Variants in RPH3A observed in about 807,000 individuals in gnomAD.
The protein encoded by RPH3A is rabphilin-3A.
RPH3A carries 48 observed loss-of-function variants against 102.2 expected under a neutral mutation model. That is an observed-to-expected ratio of 0.47 (90% CI 0.37 to 0.60). The LOEUF is 0.60. RPH3A is among the 20% of genes least tolerant of loss of function. The pLI is 0.00. For missense variants in RPH3A, 781 were observed against 910.1 expected (o/e 0.86, Z 1.83); for synonymous variants, 310 against 324.3 (o/e 0.96, Z 0.47).
At chr12:112,742,251 G>T (rs759660486) in intron 1 of RPH3A, among the ~76,000 whole-genome samples, 3 of 152,120 alleles carry the variant, frequency 2.0e-5, no homozygotes, top group Non-Finnish European at 4.4e-5. Context: ...GCCCCCTGTG[G>T]AATATTCAGT....
At chr12:112,836,247 C>T (rs1393945948) in intron 3 of RPH3A, among the ~76,000 whole-genome samples, 1 of 152,188 alleles carries the variant, frequency 6.6e-6, no homozygotes, top group Non-Finnish European at 1.5e-5. Flanking sequence ...ACAATCAGCT[C>T]AGTTAATTAA....
At chr12:112,748,561 C>G (rs140747317) in intron 1 of RPH3A, among the ~76,000 whole-genome samples, 1 of 152,280 alleles carries the variant, frequency 6.6e-6, no homozygotes, top group Non-Finnish European at 1.5e-5. Flanking sequence ...TCTTGAACTC[C>G]TGGCCTCAAG....
Position 112,748,730 on chromosome 12 carries a change from G to C in RPH3A, c.-139-43413G>C, listed in dbSNP as rs919654294. ...CCTAGATGGTCCTAATGTGTAGAAAGATTTAGGGACCACTGCCATTGACCC... is the reference window on the plus strand; with the variant it reads ...CCTAGATGGTCCTAATGTGTAGAAACATTTAGGGACCACTGCCATTGACCC... On this transcript the variant is annotated intron_variant, in intron 1 of 21. Transcript: ENST00000543106. 7.9e-5 allele frequency among the ~76,000 whole-genome samples: 12 copies of C among 152,236 alleles called. No homozygotes were observed. The East Asian group carries it at 2.1e-3, about 27-fold the overall frequency.
intron 1 of RPH3A, among the ~76,000 whole-genome samples, chr12:112,649,671 T>G (rs1341895751): frequency 2.6e-5 from 4 of 152,270 alleles, no homozygotes; most frequent in Non-Finnish European, 5.9e-5. Flanking sequence ...CACCTCATTT[T>G]GTTTTATTCA....
At chr12:112,584,728 C>T (rs1308131630) in intron 1 of RPH3A, among the ~76,000 whole-genome samples, 1 of 152,126 alleles carries the variant, frequency 6.6e-6, no homozygotes, top group Non-Finnish European at 1.5e-5. Flanking sequence ...AAGTGGCTTT[C>T]CCCGGAAGGA....
intron 16 of RPH3A, among the ~76,000 whole-genome samples, chr12:112,885,402 G>T (rs1278760927): frequency 6.6e-6 from 1 of 152,144 alleles, no homozygotes; most frequent in African/African-American, 2.4e-5. Flanking sequence ...GGTGTGCACT[G>T]GTGTTGCGTT....
At chr12:112,839,015 C>T (rs1049082380) in intron 4 of RPH3A, among the ~76,000 whole-genome samples, 19 of 152,120 alleles carry the variant, frequency 1.2e-4, no homozygotes, top group African/African-American at 4.6e-4. Context: ...CTGGACCATC[C>T]TCTCTCCAGT....
intron 1 of RPH3A, among the ~76,000 whole-genome samples, chr12:112,630,327 AAGTGATTT>A (rs1191472327): frequency 6.6e-6 from 1 of 152,198 alleles, no homozygotes; most frequent in Non-Finnish European, 1.5e-5. Flanking sequence ...ATTCTTGTTC[AAGTGATTT>A]ATTGAGGGAG....
At chr12:112,757,109 A>G (rs956792407) in intron 1 of RPH3A, among the ~76,000 whole-genome samples, 2 of 152,226 alleles carry the variant, frequency 1.3e-5, no homozygotes, top group African/African-American at 2.4e-5. Context: ...CCCTCAATAC[A>G]TATTTGCTGA....
chr12:112,696,589 T>C (rs1035973021), intron 1 of RPH3A, among the ~76,000 whole-genome samples: 2 of 152,158 alleles, frequency 1.3e-5, no homozygotes, highest in East Asian at 3.9e-4. Context: ...CTCTTCTGAC[T>C]CCAAGAACAG....
chr12:112,764,926 A>T (rs980561230), intron 1 of RPH3A, among the ~76,000 whole-genome samples: 10 of 152,238 alleles, frequency 6.6e-5, no homozygotes, highest in African/African-American at 2.4e-4. Flanking sequence ...ACTTAACGTG[A>T]TGTCTATTTT....
At chr12:112,773,276 CCTTTTG>C (rs1303045262) in intron 1 of RPH3A, among the ~76,000 whole-genome samples, 2 of 151,964 alleles carry the variant, frequency 1.3e-5, no homozygotes, top group Non-Finnish European at 2.9e-5. Context: ...TAACCCCATC[CCTTTTG>C]TTGAAGGATG....
intron 13 of RPH3A, among the ~76,000 whole-genome samples, chr12:112,878,024 G>A (rs913067476): frequency 6.6e-6 from 1 of 152,214 alleles, no homozygotes; most frequent in African/African-American, 2.4e-5. Flanking sequence ...TCAGTTCAAG[G>A]AGGGGCTGGT....
chr12:112,836,048 G>A (rs577068792), intron 3 of RPH3A, among the ~76,000 whole-genome samples: 1 of 152,316 alleles, frequency 6.6e-6, no homozygotes, highest in South Asian at 2.1e-4. Context: ...CTGGTCTCCG[G>A]TCTAGAGTGG....
intron 2 of RPH3A, among the ~76,000 whole-genome samples, chr12:112,796,726 T>C (rs1162233833): frequency 1.3e-5 from 2 of 152,192 alleles, no homozygotes; most frequent in Non-Finnish European, 2.9e-5. Context: ...CCTGGCACCA[T>C]GATGGGCATT....
intron 5 of RPH3A, among the ~76,000 whole-genome samples, chr12:112,864,291 A>C (rs1038226915): frequency 6.6e-6 from 1 of 152,118 alleles, no homozygotes; most frequent in African/African-American, 2.4e-5. Flanking sequence ...TCTCTACTAA[A>C]AATACAAAAA....
rs531660177 is a variant in RPH3A at position 112,894,544 on chromosome 12, G to A, written c.1776-34G>A. The A allele has an allele frequency of 4.8e-5, 77 of 1,602,596 alleles. 1 individual carries two copies. In the South Asian group the frequency reaches 7.5e-4, roughly 16 times the overall value. On this transcript the variant is annotated intron_variant, in intron 19 of 21. Coordinates refer to ENST00000389385, the MANE Select transcript of RPH3A (RefSeq NM_001143854.2). Reference sequence around the variant, plus strand: ...AAGAGGCTGTTCTTATTCATTAAACGTCATCCATAATAGCATGTTGTGTCG... The same window carrying A: ...AAGAGGCTGTTCTTATTCATTAAACATCATCCATAATAGCATGTTGTGTCG...
intron 2 of RPH3A, among the ~76,000 whole-genome samples, chr12:112,821,410 C>A (rs936179107): frequency 6.6e-6 from 1 of 151,936 alleles, no homozygotes; most frequent in Non-Finnish European, 1.5e-5. Flanking sequence ...CTGACACCCA[C>A]CCCCACCACC....
At chr12:112,717,618 T>C (rs2040522850) in intron 1 of RPH3A, among the ~76,000 whole-genome samples, 3 of 152,194 alleles carry the variant, frequency 2.0e-5, no homozygotes, top group African/African-American at 4.8e-5. Flanking sequence ...GTGGTTTGTT[T>C]ATTCATTCTC....
Sources: gnomAD v4.1 joint callset for allele counts (sites outside exome capture counted in the v4.1 genomes callset) on GRCh38, gnomAD v4.1.1 for gene constraint, MANE v1.5 for transcripts, NCBI Gene and HGNC (gene_info 2026-07-23, HGNC 2026-07-21) for gene names.